Variants in PAK4 observed in about 807,000 individuals in gnomAD.
PAK4 encodes the protein serine/threonine-protein kinase PAK 4.
A neutral mutation model predicts 53.5 loss-of-function variants in PAK4; 49 were observed. The observed-to-expected ratio is 0.92, with a 90% confidence interval of 0.73 to 1.16. The LOEUF is 1.16. Ranked by LOEUF, PAK4 falls within the 50% of genes most tolerant of loss-of-function variation. The pLI, the probability that PAK4 is intolerant of heterozygous loss-of-function variation, is 0.00. For missense variants in PAK4, 824 were observed against 850.7 expected (o/e 0.97, Z 0.39); for synonymous variants, 376 against 375.6 (o/e 1.00, Z -0.01).
chr19:39,146,523 A>G (rs1659075349), intron 1 of PAK4, among the ~76,000 whole-genome samples: 2 of 152,222 alleles, frequency 1.3e-5, no homozygotes, highest in East Asian at 1.9e-4. Context: ...ATCATTGTAG[A>G]TTCTCCTACA....
chr19:39,132,660 G>A (rs1042566566), intron 1 of PAK4, among the ~76,000 whole-genome samples: 2 of 152,280 alleles, frequency 1.3e-5, no homozygotes, highest in Non-Finnish European at 2.9e-5. Context: ...GTCTCTAGGT[G>A]TGAGTCTGAG....
intron 1 of PAK4, among the ~76,000 whole-genome samples, chr19:39,160,233 TC>T (rs2074261900): frequency 6.6e-6 from 1 of 152,196 alleles, no homozygotes; most frequent in Admixed American, 6.5e-5. Context: ...CTCGGCCCCA[TC>T]CCCGTGCCCT....
downstream of PAK4, chr19:39,182,745 G>C (rs1449179615): frequency 6.6e-6 from 1 of 152,042 alleles, no homozygotes; most frequent in Non-Finnish European, 1.5e-5. Flanking sequence ...CTTGAACCCA[G>C]GAGGCAGAGG....
chr19:39,149,183 A>G (rs1006131945), intron 1 of PAK4, among the ~76,000 whole-genome samples: 1 of 152,228 alleles, frequency 6.6e-6, no homozygotes, highest in Non-Finnish European at 1.5e-5. Flanking sequence ...ACTCGAACAG[A>G]TATTTGTACA....
Position 39,175,158 on chromosome 19 carries a change from G to A in PAK4, c.1232+94G>A, listed in dbSNP as rs545246034. ...CACATCTCCAAACCAGCTGTGCTCC[G>A]GGCCCCTGGGATGGGGTCGTGTCTT... On this transcript the variant is annotated intron_variant, in intron 5 of 8. Transcript: ENST00000358301. The surrounding 1 kb of genome is among the most constrained non-coding windows in gnomAD (Gnocchi z 4.7). The A allele has an allele frequency of 4.4e-4, 664 of 1,517,672 alleles. 10 individuals are homozygous for A. In the South Asian group the frequency reaches 7.7e-3, roughly 18 times the overall value. The allele number at this position is 1,517,672 out of a possible 1,614,324, so 94.0% of individuals were successfully genotyped here.
At chr19:39,135,957 C>T (rs1462002607) in intron 1 of PAK4, among the ~76,000 whole-genome samples, 1 of 151,584 alleles carries the variant, frequency 6.6e-6, no homozygotes, top group Non-Finnish European at 1.5e-5. Context: ...ACAATGTAAC[C>T]TGGTGCTGCG....
intron 1 of PAK4, among the ~76,000 whole-genome samples, chr19:39,126,457 G>T (rs1401842547): frequency 7.4e-6 from 1 of 135,298 alleles, no homozygotes; most frequent in South Asian, 2.9e-4. Context: ...GGGGGGGGGG[G>T]GGGGCCGGGT....
intron 2 of PAK4, 134 bp downstream of exon 3, chr19:39,169,891 C>T (rs2074446205): frequency 1.5e-6 from 1 of 688,188 alleles, no homozygotes; most frequent in Non-Finnish European, 2.4e-6. Flanking sequence ...CAGCCTTCCA[C>T]CCCTATCCTG....
chr19:39,163,322 C>T (rs556678325), intron 1 of PAK4, among the ~76,000 whole-genome samples: 20 of 152,132 alleles, frequency 1.3e-4, no homozygotes, highest in Non-Finnish European at 2.1e-4. Context: ...CTGCTCTGCC[C>T]CTGGGCCCCT....
intron 1 of PAK4, among the ~76,000 whole-genome samples, chr19:39,132,364 C>G (rs1311457944): frequency 2.0e-5 from 3 of 152,204 alleles, no homozygotes; most frequent in African/African-American, 4.8e-5. Context: ...CATCATCACC[C>G]CCGGTTTCTT....
At chr19:39,129,052 C>T (rs2073647717) in intron 1 of PAK4, among the ~76,000 whole-genome samples, 1 of 152,194 alleles carries the variant, frequency 6.6e-6, no homozygotes. Flanking sequence ...ACATGCCTTT[C>T]TGCAAGTTGC....
At position 39,173,112 on chromosome 19, in the gene PAK4, C is replaced by T. The variant is rs1171596404; in HGVS notation, c.399C>T (p.Gly133=). ...CCAGAGGGGGCCCAGGGAAGGCAGG[C>T]AGCCGAGGCCGGTTCGCCGGTCACA... The change falls in exon 3 of 9, where the codon GGC becomes GGT. Residue 133 remains glycine (G), a synonymous_variant. Transcript: ENST00000358301. This position sits in a 1 kb window ranked among gnomAD's most constrained non-coding sequence, Gnocchi z 6.9. The T allele has an allele frequency of 6.5e-7, 1 of 1,547,290 alleles. No homozygotes were observed. Among genetic ancestry groups the T allele is most frequent in the East Asian group, 2.4e-5 (1 of 40,860 alleles).
rs2074577399 is a variant in PAK4, at chr19:39,175,167, G to A, written c.1232+103G>A. 6.7e-7 allele frequency: 1 copy of A among 1,503,444 alleles called. No individual in the cohort carries two copies. The highest frequency in any genetic ancestry group is 1.4e-5 in the African/African-American group (1 of 72,540). The allele number at this position is 1,503,444 out of a possible 1,614,324, so 93.1% of individuals were successfully genotyped here. On this transcript the variant is annotated intron_variant, in intron 5 of 8. Transcript: ENST00000358301. This position sits in a 1 kb window ranked among gnomAD's most constrained non-coding sequence, Gnocchi z 4.7. ...AAACCAGCTGTGCTCCGGGCCCCTG[G>A]GATGGGGTCGTGTCTTCCATTCCTC...
At chr19:39,174,958 G>A (rs375220515) in exon 5 of PAK4, 68 of 1,613,816 alleles carry the variant, frequency 4.2e-5, no homozygotes, top group Non-Finnish European at 1.6e-5. Context: ...CTACCAGCAC[G>A]AGAATGTGGT....
intron 1 of PAK4, among the ~76,000 whole-genome samples, chr19:39,137,379 G>A (rs532282949): frequency 8.8e-4 from 134 of 152,188 alleles, no homozygotes; most frequent in Middle Eastern, 6.8e-3. Flanking sequence ...TAGGAAAGAC[G>A]AATGGAGGGT....
At chr19:39,139,241 A>G (rs895461129) in intron 1 of PAK4, among the ~76,000 whole-genome samples, 1 of 152,108 alleles carries the variant, frequency 6.6e-6, no homozygotes, top group Non-Finnish European at 1.5e-5. Context: ...CCCTCCTGTC[A>G]GAGCTGGTGA....
chr19:39,149,537 A>G (rs1197732057), intron 1 of PAK4, among the ~76,000 whole-genome samples: 1 of 152,174 alleles, frequency 6.6e-6, no homozygotes, highest in Non-Finnish European at 1.5e-5. Context: ...CCTGGACAAC[A>G]TAGTGAGACC....
At chr19:39,162,814 G>A (rs2074306685) in intron 1 of PAK4, among the ~76,000 whole-genome samples, 4 of 152,158 alleles carry the variant, frequency 2.6e-5, no homozygotes, top group African/African-American at 7.2e-5. Context: ...GGACGGGTGC[G>A]TGGGTCGATG....
In PAK4 at chr19:39,161,328, G is replaced by A. The variant is rs1285249288; in HGVS notation, c.-22-8204G>A. ...AACGCTGAGGGCCCTGGAGGGAACG[G>A]ACCTAGGCTGACTGCGCCAGGCTCC... On this transcript the variant is annotated intron_variant, in intron 1 of 8. Transcript: ENST00000358301. This position sits in a 1 kb window ranked among gnomAD's most constrained non-coding sequence, Gnocchi z 4.5. Among the ~76,000 whole-genome samples, 1 of 152,228 alleles carries A rather than the reference G, an allele frequency of 6.6e-6. No individual in the cohort carries two copies. The highest frequency in any genetic ancestry group is 1.5e-5 in the Non-Finnish European group (1 of 68,038).
Sources: gnomAD v4.1 joint callset for allele counts (sites outside exome capture counted in the v4.1 genomes callset) on GRCh38, gnomAD v4.1.1 for gene constraint, Gnocchi (gnomAD v3.1) non-coding constraint, MANE v1.5 for transcripts, NCBI Gene and HGNC (gene_info 2026-07-23, HGNC 2026-07-21) for gene names.